Variants in TRAPPC9 observed in about 807,000 individuals in gnomAD.
TRAPPC9 encodes IKK2 binding protein.
TRAPPC9 carries 83 observed loss-of-function variants against 124.0 expected under a neutral mutation model. The observed-to-expected ratio is 0.67, with a 90% confidence interval of 0.56 to 0.80. TRAPPC9 has a LOEUF of 0.80. TRAPPC9 is among the 30% of genes least tolerant of loss of function. The probability of loss-of-function intolerance (pLI) is 0.00; values close to 1 mark genes in which losing one functional copy is unlikely to be tolerated. For missense variants in TRAPPC9, 1,302 were observed against 1,508.3 expected (o/e 0.86, Z 2.27); for synonymous variants, 638 against 617.5 (o/e 1.03, Z -0.49).
chr8:140,072,071 C>T (rs913148725), intron 17 of TRAPPC9, among the ~76,000 whole-genome samples: 3 of 152,234 alleles, frequency 2.0e-5, no homozygotes, highest in Non-Finnish European at 1.5e-5. Flanking sequence ...CCAGGGTTGC[C>T]TACAAGGCAG....
rs567760202 is a variant in TRAPPC9, at chr8:139,842,711, C to T, written c.3055+43168G>A. Among the ~76,000 whole-genome samples the T allele has an allele frequency of 1.7e-4, 26 of 152,308 alleles. 1 individual carries two copies. The highest frequency in any genetic ancestry group is 6.2e-4 in the South Asian group (3 of 4,830). On this transcript the variant is annotated intron_variant, in intron 21 of 22. Coordinates refer to ENST00000438773, the MANE Select transcript of TRAPPC9 (RefSeq NM_001160372.4). ...GTGGCACAGAGAAGTGTCCCTCCAC[C>T]GCCCTGTCCTGCTGTTTGCTGTCCT...
chr8:140,141,586 T>A (rs953073083), intron 17 of TRAPPC9, among the ~76,000 whole-genome samples: 1 of 152,224 alleles, frequency 6.6e-6, no homozygotes, highest in African/African-American at 2.4e-5. Flanking sequence ...GACTGCACCA[T>A]GCCCTAAAGG....
At chr8:139,941,748 C>G (rs1291217135) in intron 19 of TRAPPC9, among the ~76,000 whole-genome samples, 1 of 152,192 alleles carries the variant, frequency 6.6e-6, no homozygotes, top group Non-Finnish European at 1.5e-5. Flanking sequence ...GGTCTCAGGG[C>G]AGGCTGGCCG....
At chr8:140,000,318 A>C (rs1476594166) in intron 18 of TRAPPC9, among the ~76,000 whole-genome samples, 1 of 152,238 alleles carries the variant, frequency 6.6e-6, no homozygotes, top group South Asian at 2.1e-4. Context: ...GGACATAGGC[A>C]TGGGCAAAGA....
At chr8:140,282,087 C>A (rs953641649) in intron 14 of TRAPPC9, among the ~76,000 whole-genome samples, 4 of 152,198 alleles carry the variant, frequency 2.6e-5, no homozygotes, top group African/African-American at 9.7e-5. Flanking sequence ...AGCACAGCAA[C>A]TGGCAAATGA....
intron 16 of TRAPPC9, among the ~76,000 whole-genome samples, chr8:140,250,569 G>A (rs1159337591): frequency 2.6e-5 from 4 of 152,182 alleles, no homozygotes; most frequent in African/African-American, 9.7e-5. Flanking sequence ...CGCCGTGATT[G>A]TCTCGTGCTT....
chr8:140,133,755 C>A (rs994535355), intron 17 of TRAPPC9, among the ~76,000 whole-genome samples: 5 of 151,984 alleles, frequency 3.3e-5, no homozygotes, highest in African/African-American at 9.7e-5. Context: ...TTTCTACACA[C>A]CAGCAATGAA....
At chr8:140,230,353 A>G (rs895479774) in intron 16 of TRAPPC9, among the ~76,000 whole-genome samples, 1 of 152,236 alleles carries the variant, frequency 6.6e-6, no homozygotes, top group Non-Finnish European at 1.5e-5. Context: ...TCATGCCTGT[A>G]ATCCCAGCAC....
chr8:140,441,914 G>A (rs1564026248), intron 2 of TRAPPC9, among the ~76,000 whole-genome samples: 1 of 151,962 alleles, frequency 6.6e-6, no homozygotes, highest in Non-Finnish European at 1.5e-5. Flanking sequence ...CCCACCTGTA[G>A]TCCCAGCTAC....
At chr8:140,323,353 G>A (rs1274556989) in intron 9 of TRAPPC9, among the ~76,000 whole-genome samples, 2 of 152,114 alleles carry the variant, frequency 1.3e-5, no homozygotes, top group Non-Finnish European at 2.9e-5. Context: ...AGTTGCTCTA[G>A]CAAATTACTC....
chr8:139,996,171 A>AAAAAAAAAAAAAAAAAAG, intron 18 of TRAPPC9, among the ~76,000 whole-genome samples: 1 of 147,476 alleles, frequency 6.8e-6, no homozygotes, highest in East Asian at 1.9e-4. Flanking sequence ...AAAAAAAAAA[A>AAAAAAAAAAAAAAAAAAG]AAAAAAAAAA....
chr8:140,359,575 G>A (rs1243261255), intron 9 of TRAPPC9, among the ~76,000 whole-genome samples: 2 of 152,114 alleles, frequency 1.3e-5, no homozygotes, highest in Non-Finnish European at 2.9e-5. Context: ...CCAGTGACTC[G>A]AAGGGGCACG....
intron 17 of TRAPPC9, 76 bp downstream of exon 17, chr8:140,221,383 C>CA: frequency 6.3e-7 from 1 of 1,598,520 alleles, no homozygotes; most frequent in Non-Finnish European, 8.6e-7. Context: ...GAAAAGGACT[C>CA]AGAGCTGTGC....
At chr8:139,831,387 G>T (rs2130843037) in intron 21 of TRAPPC9, among the ~76,000 whole-genome samples, 1 of 152,002 alleles carries the variant, frequency 6.6e-6, no homozygotes, top group Admixed American at 6.6e-5. Context: ...TCCTAACAGG[G>T]GCTACAGGAA....
intron 17 of TRAPPC9, among the ~76,000 whole-genome samples, chr8:140,160,868 A>G (rs1165511178): frequency 2.0e-5 from 3 of 152,198 alleles, no homozygotes; most frequent in Non-Finnish European, 4.4e-5. Flanking sequence ...TTAATAGTCA[A>G]TGAAAGGGAG....
At chr8:139,765,786 A>G (rs1820546861) in intron 21 of TRAPPC9, among the ~76,000 whole-genome samples, 1 of 152,164 alleles carries the variant, frequency 6.6e-6, no homozygotes, top group Non-Finnish European at 1.5e-5. Context: ...AGCCTGTGCC[A>G]GTCTGCCTCC....
At chr8:140,399,613 A>G (rs879535535) in intron 6 of TRAPPC9, among the ~76,000 whole-genome samples, 1 of 152,148 alleles carries the variant, frequency 6.6e-6, no homozygotes, top group Admixed American at 6.5e-5. Flanking sequence ...GAATGGTTGT[A>G]TTTACCCAAT....
Position 140,371,142 on chromosome 8 carries a change from G to C in TRAPPC9, c.1173C>G (p.Leu391=), listed in dbSNP as rs547129477. ...EEEKIQRYSI[L]SELYELIGFH... ...AGCCGATCAGCTCATAGAGCTCGGA[G>C]AGGATGCTGTAGCGCTGAATTTTCT... Residue 391 remains leucine (L), a synonymous_variant, in exon 8 of 23, where the codon CTC becomes CTG. Transcript: ENST00000438773. The C allele has an allele frequency of 6.2e-7, 1 of 1,614,028 alleles. No homozygotes were observed. The highest frequency in any genetic ancestry group is 1.1e-5 in the South Asian group (1 of 91,070).
At chr8:140,001,911 T>C (rs532243507) in intron 18 of TRAPPC9, among the ~76,000 whole-genome samples, 31 of 152,272 alleles carry the variant, frequency 2.0e-4, no homozygotes, top group African/African-American at 6.5e-4. Context: ...AAAACTTAAA[T>C]AGGTAGCCTG....
Sources: allele counts gnomAD v4.1 joint callset (sites outside exome capture counted in the v4.1 genomes callset), GRCh38; gene constraint gnomAD v4.1.1; transcripts MANE v1.5; gene names NCBI Gene and HGNC (gene_info 2026-07-23, HGNC 2026-07-21).